The following VDAC1 variants were observed in gnomAD, a reference collection of about 807,000 sequenced individuals.
VDAC1 encodes the protein voltage dependent anion channel 1.
In VDAC1, 10 loss-of-function variants were observed where a neutral mutation model predicts 34.7. That is an observed-to-expected ratio of 0.29 (90% CI 0.18 to 0.49). The LOEUF is 0.49. Among genes scored for constraint, VDAC1 ranks in the 20% least tolerant of loss-of-function variants. The pLI, the probability that VDAC1 is intolerant of heterozygous loss-of-function variation, is 0.99. For missense variants in VDAC1, 230 were observed against 347.9 expected (o/e 0.66, Z 2.69); for synonymous variants, 130 against 136.0 (o/e 0.96, Z 0.30).
chr5:134,041,621 G>A, the VDAC1 span, among the ~76,000 whole-genome samples: 1 of 152,190 alleles, frequency 6.6e-6, no homozygotes, highest in African/African-American at 2.4e-5. Flanking sequence ...CGAGCTGGTG[G>A]GCCTCATTTC....
At chr5:134,045,732 A>G in the VDAC1 span, among the ~76,000 whole-genome samples, 2 of 151,680 alleles carry the variant, frequency 1.3e-5, no homozygotes, top group African/African-American at 4.8e-5. Context: ...CTGAAGTGCA[A>G]TGGTGCGATC....
At chr5:133,983,306 CA>C (rs1455416975) in intron 5 of VDAC1, among the ~76,000 whole-genome samples, 5 of 149,816 alleles carry the variant, frequency 3.3e-5, no homozygotes, top group African/African-American at 1.2e-4. Context: ...ATAATAATAT[CA>C]TGGTTATGCT....
the VDAC1 span, among the ~76,000 whole-genome samples, chr5:134,109,433 C>G: frequency 2.0e-5 from 3 of 152,136 alleles, no homozygotes; most frequent in Non-Finnish European, 4.4e-5. Flanking sequence ...TGTCTCTCAC[C>G]TCTGGTCTCA....
chr5:134,031,198 A>G, the VDAC1 span, among the ~76,000 whole-genome samples: 1 of 152,134 alleles, frequency 6.6e-6, no homozygotes, highest in South Asian at 2.1e-4. Context: ...AGGATTTTAG[A>G]CAGTAAGGAA....
At chr5:134,099,130 G>A in the VDAC1 span, among the ~76,000 whole-genome samples, 2 of 152,192 alleles carry the variant, frequency 1.3e-5, no homozygotes, top group East Asian at 1.9e-4. Flanking sequence ...GGAAAGGCAG[G>A]ACTCATTGAA....
At chr5:134,111,456 T>C in the VDAC1 span, among the ~76,000 whole-genome samples, 21 of 152,136 alleles carry the variant, frequency 1.4e-4, no homozygotes, top group Admixed American at 1.4e-3. Context: ...CTCACTACCC[T>C]GTGGAAGAAC....
chr5:133,998,072 C>CAAAA (rs200915111), intron 1 of VDAC1, among the ~76,000 whole-genome samples: 1 of 99,812 alleles, frequency 1.0e-5, no homozygotes. Context: ...CGTCTCGAAA[C>CAAAA]AAAAAAAAAA....
the VDAC1 span, among the ~76,000 whole-genome samples, chr5:134,037,363 A>G: frequency 6.6e-6 from 1 of 152,202 alleles, no homozygotes; most frequent in African/African-American, 2.4e-5. Flanking sequence ...TGACACCTGC[A>G]GGCCATCAAT....
the VDAC1 span, among the ~76,000 whole-genome samples, chr5:134,047,089 C>A: frequency 6.6e-6 from 1 of 152,210 alleles, no homozygotes; most frequent in East Asian, 1.9e-4. Context: ...TGAGATAATG[C>A]CCTTGACCTT....
upstream of VDAC1, among the ~76,000 whole-genome samples, chr5:134,006,454 C>G (rs1042517896): frequency 6.6e-6 from 1 of 152,122 alleles, no homozygotes; most frequent in Non-Finnish European, 1.5e-5. Flanking sequence ...TTTAAAGAAC[C>G]AATCTGGGCC....
the VDAC1 span, among the ~76,000 whole-genome samples, chr5:134,012,148 G>T: frequency 6.6e-6 from 1 of 152,194 alleles, no homozygotes; most frequent in African/African-American, 2.4e-5. Context: ...GCCAAGGAAT[G>T]CAGGCAACCT....
At chr5:134,083,209 G>T in the VDAC1 span, among the ~76,000 whole-genome samples, 1 of 141,854 alleles carries the variant, frequency 7.0e-6, no homozygotes, top group Admixed American at 7.0e-5. Context: ...TTTTTTTTGG[G>T]ATGGGGTCTT....
the VDAC1 span, among the ~76,000 whole-genome samples, chr5:134,104,504 A>T: frequency 6.6e-6 from 1 of 152,178 alleles, no homozygotes; most frequent in Non-Finnish European, 1.5e-5. Flanking sequence ...TCTGCCCGAG[A>T]TGCTGCCCTC....
At chr5:134,079,704 G>T in the VDAC1 span, among the ~76,000 whole-genome samples, 1 of 152,178 alleles carries the variant, frequency 6.6e-6, no homozygotes, top group African/African-American at 2.4e-5. Context: ...CATTTCCAAG[G>T]CCTGGCAGCA....
At chr5:134,056,017 T>A in the VDAC1 span, among the ~76,000 whole-genome samples, 1 of 151,836 alleles carries the variant, frequency 6.6e-6, no homozygotes, top group Admixed American at 6.6e-5. Context: ...GGCAGGTGAA[T>A]CACCTGAGGT....
At chr5:134,005,752 A>G (rs1158480482), upstream of VDAC1, among the ~76,000 whole-genome samples, 1 of 152,170 alleles carries the variant, frequency 6.6e-6, no homozygotes, top group Non-Finnish European at 1.5e-5. Flanking sequence ...TTCACCACTG[A>G]GTGTCCCCTG....
chr5:134,076,228 C>G, the VDAC1 span, among the ~76,000 whole-genome samples: 2 of 152,150 alleles, frequency 1.3e-5, no homozygotes, highest in Non-Finnish European at 2.9e-5. Context: ...ATCCACCTGC[C>G]TCGGCCTCCC....
the VDAC1 span, among the ~76,000 whole-genome samples, chr5:134,012,029 G>A: frequency 6.6e-6 from 1 of 151,922 alleles, no homozygotes; most frequent in Non-Finnish European, 1.5e-5. Context: ...TGGGGAGAGA[G>A]ACAGAGAGAG....
At chr5:134,040,023 A>C in the VDAC1 span, among the ~76,000 whole-genome samples, 2 of 152,146 alleles carry the variant, frequency 1.3e-5, no homozygotes, top group Non-Finnish European at 2.9e-5. Context: ...GGAACCCCAA[A>C]ATTGGGCCCT....
Sources: gnomAD v4.1 joint callset for allele counts (sites outside exome capture counted in the v4.1 genomes callset) on GRCh38, gnomAD v4.1.1 for gene constraint, MANE v1.5 for transcripts, NCBI Gene and HGNC (gene_info 2026-07-23, HGNC 2026-07-21) for gene names.